The following KALRN variants were observed in gnomAD, a reference collection of about 807,000 sequenced individuals.
KALRN encodes the protein kalirin RhoGEF kinase, also known as kalirin.
Under a neutral mutation model 353.7 loss-of-function variants are expected in KALRN, and 70 were observed. The observed-to-expected ratio is 0.20, with a 90% CI of 0.16 to 0.24. The LOEUF (loss-of-function observed/expected upper bound fraction) is 0.24, where lower values mean the gene tolerates loss of function less well. Among genes scored for constraint, KALRN ranks in the 10% least tolerant of loss-of-function variants. KALRN has a pLI of 1.00. For missense variants in KALRN, 2,791 were observed against 3,756.7 expected (o/e 0.74, Z 6.72); for synonymous variants, 1,391 against 1,434.8 (o/e 0.97, Z 0.69).
intron 1 of KALRN, among the ~76,000 whole-genome samples, chr3:124,142,521 A>C (rs1228617173): frequency 2.6e-5 from 4 of 152,220 alleles, no homozygotes; most frequent in African/African-American, 4.8e-5. Flanking sequence ...TATTCATTGC[A>C]GGCCTGGTTA....
At chr3:124,423,588 A>G (rs2092880668) in intron 15 of KALRN, among the ~76,000 whole-genome samples, 1 of 152,252 alleles carries the variant, frequency 6.6e-6, no homozygotes, top group Non-Finnish European at 1.5e-5. Flanking sequence ...TTTTAAAAAT[A>G]GTACAGGCCA....
rs2079469525 is a variant in KALRN, at chr3:124,322,742, A to C, written c.1093-3238A>C. 3.9e-5 allele frequency among the ~76,000 whole-genome samples: 6 copies of C among 152,152 alleles called. No individual in the cohort carries two copies. In the South Asian group the frequency reaches 1.2e-3, roughly 32 times the overall value. On this transcript the variant is annotated intron_variant, in intron 6 of 59. Transcript: ENST00000682506. Reference sequence around the variant, plus strand: ...ACTCCTAATCCAGCTCTTTAACCTCATTCTTTCCTTTTAAGTCATTGGAGA... The same window carrying C: ...ACTCCTAATCCAGCTCTTTAACCTCCTTCTTTCCTTTTAAGTCATTGGAGA...
intron 25 of KALRN, among the ~76,000 whole-genome samples, chr3:124,466,013 G>A (rs562737511): frequency 6.7e-6 from 1 of 149,148 alleles, no homozygotes; most frequent in Admixed American, 6.8e-5. Flanking sequence ...ATTGCAACCA[G>A]GATTAGTTCT....
chr3:124,230,372 C>T (rs1334156681), intron 2 of KALRN, among the ~76,000 whole-genome samples: 2 of 152,178 alleles, frequency 1.3e-5, no homozygotes, highest in Non-Finnish European at 2.9e-5. Flanking sequence ...CTTCCTGGAT[C>T]TAATGTATTC....
At chr3:124,387,735 A>G (rs1223367900) in intron 11 of KALRN, among the ~76,000 whole-genome samples, 2 of 152,216 alleles carry the variant, frequency 1.3e-5, no homozygotes, top group African/African-American at 4.8e-5. Context: ...CTGCCTGTAT[A>G]CAAAGGGGTT....
At chr3:124,327,976 A>G (rs896269590) in intron 7 of KALRN, among the ~76,000 whole-genome samples, 4 of 152,238 alleles carry the variant, frequency 2.6e-5, no homozygotes, top group African/African-American at 9.6e-5. Context: ...TAAATGGCAC[A>G]GGGCTGTGCT....
In KALRN at chr3:124,414,430, A is replaced by G. The variant is rs2092382768; in HGVS notation, c.2542+765A>G. Among the ~76,000 whole-genome samples, 3 of 152,110 alleles carry G rather than the reference A, an allele frequency of 2.0e-5. No individual in the cohort carries two copies. The South Asian group carries it at 6.2e-4, about 32-fold the overall frequency. ...CGGTTCCTGTTTCTCAGTCTCCTCA[A>G]TTGTTAATCACTGGTCTTTGGGTGA... On this transcript the variant is annotated intron_variant, in intron 14 of 59. Transcript: ENST00000682506.
chr3:124,090,580 G>A (rs761102451), intron 1 of KALRN, among the ~76,000 whole-genome samples: 28 of 152,212 alleles, frequency 1.8e-4, no homozygotes, highest in Non-Finnish European at 2.9e-4. Flanking sequence ...AGAGGAGAGA[G>A]GCCCCTCTGC....
Position 124,334,565 on chromosome 3 carries a change from A to C in KALRN, c.1647+70A>C. Reference sequence around the variant, plus strand: ...CAGACCGAGCTCAAGTCCCTGACCTAGGTGATCAGGCTTAGGAGAGCCCAG... The same window carrying C: ...CAGACCGAGCTCAAGTCCCTGACCTCGGTGATCAGGCTTAGGAGAGCCCAG... On this transcript the variant is annotated intron_variant, in intron 9 of 59. Transcript: ENST00000682506. This position sits in a 1 kb window ranked among gnomAD's most constrained non-coding sequence, Gnocchi z 4.2. 9.2e-7 allele frequency: 1 copy of C among 1,092,572 alleles called. No individual in the cohort carries two copies. Among genetic ancestry groups the C allele is most frequent in the Admixed American group, 2.1e-5 (1 of 48,040 alleles). 67.7% of individuals were successfully genotyped at this position (1,092,572 alleles called of 1,614,324 possible).
chr3:124,529,946 A>G (rs952960741), intron 33 of KALRN, among the ~76,000 whole-genome samples: 2 of 152,202 alleles, frequency 1.3e-5, no homozygotes, highest in African/African-American at 4.8e-5. Flanking sequence ...TTGGTTACCA[A>G]TGAGAAAGAC....
At chr3:124,541,625 G>A (rs988464747) in intron 33 of KALRN, among the ~76,000 whole-genome samples, 1 of 151,584 alleles carries the variant, frequency 6.6e-6, no homozygotes, top group Non-Finnish European at 1.5e-5. Context: ...AGTGGCTTAC[G>A]CCAGTAATCC....
intron 14 of KALRN, among the ~76,000 whole-genome samples, chr3:124,419,762 C>A (rs1373930): frequency 6.6e-6 from 1 of 151,964 alleles, no homozygotes; most frequent in African/African-American, 2.4e-5. Context: ...AGAAAGAAGT[C>A]TCAATAGAAC....
At chr3:124,701,361 T>A (rs905573163) in intron 56 of KALRN, among the ~76,000 whole-genome samples, 1 of 151,576 alleles carries the variant, frequency 6.6e-6, no homozygotes, top group Non-Finnish European at 1.5e-5. Flanking sequence ...GATAAGAAGA[T>A]AATTTTTTCT....
chr3:124,347,591 A>G (rs555033537), intron 10 of KALRN, among the ~76,000 whole-genome samples: 1 of 151,988 alleles, frequency 6.6e-6, no homozygotes, highest in Non-Finnish European at 1.5e-5. Flanking sequence ...TGCTGGTGTG[A>G]TCTAAAAATG....
rs569372717 is a variant in KALRN, at chr3:124,550,967, T to A, written c.4936-11876T>A. 2.2e-4 allele frequency among the ~76,000 whole-genome samples: 33 copies of A among 152,216 alleles called. No homozygotes were observed. The South Asian group carries it at 6.6e-3, about 31-fold the overall frequency. On this transcript the variant is annotated intron_variant, in intron 33 of 59. Transcript: ENST00000682506. ...TCGCACCACTGCATTCCAGCCTGGG[T>A]GACAGAGCAAGACTCCGTCTCAAAA...
chr3:124,578,012 A>C (rs2074287153), intron 34 of KALRN, among the ~76,000 whole-genome samples: 1 of 152,140 alleles, frequency 6.6e-6, no homozygotes, highest in South Asian at 2.1e-4. Flanking sequence ...CCTCTTTTTC[A>C]CATAAAGAAG....
intron 3 of KALRN, among the ~76,000 whole-genome samples, chr3:124,255,161 C>G (rs934705528): frequency 4.6e-5 from 7 of 152,172 alleles, no homozygotes; most frequent in Middle Eastern, 3.2e-3. Context: ...CCAGGCTGGT[C>G]TTGAACTCCT....
At chr3:124,466,087 G>C (rs967535194) in intron 25 of KALRN, among the ~76,000 whole-genome samples, 2 of 149,002 alleles carry the variant, frequency 1.3e-5, no homozygotes, top group African/African-American at 4.9e-5. Flanking sequence ...TCTGTGATCT[G>C]TCTGTCTCAA....
intron 1 of KALRN, among the ~76,000 whole-genome samples, chr3:124,188,972 C>G (rs1385551038): frequency 1.3e-5 from 2 of 152,176 alleles, no homozygotes; most frequent in Non-Finnish European, 2.9e-5. Flanking sequence ...TTACAAGAGG[C>G]TACAAACAAA....
Sources: allele counts gnomAD v4.1 joint callset (sites outside exome capture counted in the v4.1 genomes callset), GRCh38; gene constraint gnomAD v4.1.1; non-coding constraint Gnocchi (gnomAD v3.1); transcripts MANE v1.5; gene names NCBI Gene and HGNC (gene_info 2026-07-23, HGNC 2026-07-21).